TLE4: variants seen among roughly 807,000 people sequenced by gnomAD.
TLE4 encodes TLE family member 4, transcriptional corepressor, also known as transducin-like enhancer protein 4.
Under a neutral mutation model 92.8 loss-of-function variants are expected in TLE4, and 8 were observed. The ratio of observed to expected loss-of-function variants is 0.09; its 90% CI spans 0.05 to 0.16. The LOEUF is 0.16. Among genes scored for constraint, TLE4 ranks in the 10% least tolerant of loss-of-function variants. The probability of loss-of-function intolerance (pLI) is 1.00; values close to 1 mark genes in which losing one functional copy is unlikely to be tolerated. For missense variants in TLE4, 675 were observed against 997.6 expected, an observed-to-expected ratio of 0.68 and a Z score of 4.36; for synonymous variants, 371 against 374.1, an observed-to-expected ratio of 0.99 and a Z score of 0.10.
intron 8 of TLE4, among the ~76,000 whole-genome samples, chr9:79,704,271 C>T (rs1297888991): frequency 1.3e-5 from 2 of 152,058 alleles, no homozygotes; most frequent in Non-Finnish European, 2.9e-5. Flanking sequence ...GCCACCATGC[C>T]CAGCTAATTT....
In TLE4 at chr9:79,683,799, T is replaced by C. The variant is rs375771126; in HGVS notation, c.610-20984T>C. Among the ~76,000 whole-genome samples, 18 of 152,346 alleles carry C rather than the reference T, an allele frequency of 1.2e-4. No individual in the cohort carries two copies. In the South Asian group the frequency reaches 2.9e-3, roughly 25 times the overall value. ...TTTGTGACCTTAAGCAGTCACCTAA[T>C]CTCACAGGAGTTCTGTTTGCTCATT... On this transcript the variant is annotated intron_variant, in intron 8 of 19. Coordinates refer to ENST00000376552, the MANE Select transcript of TLE4 (RefSeq NM_007005.6).
chr9:79,677,359 C>A lies in TLE4; in HGVS notation c.609+23284C>A, dbSNP rs888781391. On this transcript the variant is annotated intron_variant, in intron 8 of 19. Transcript: ENST00000376552. Reference sequence around the variant, plus strand: ...TGTCCTTTTGAAGATGTATCCATGACAGAAGTAATAATAAGCAGACTGCTA... The same window carrying A: ...TGTCCTTTTGAAGATGTATCCATGAAAGAAGTAATAATAAGCAGACTGCTA... Among the ~76,000 whole-genome samples the A allele has an allele frequency of 3.3e-5, 5 of 152,084 alleles. No homozygotes were observed. The East Asian group carries it at 9.6e-4, about 29-fold the overall frequency.
chr9:79,636,712 C>T (rs773764146), intron 6 of TLE4, among the ~76,000 whole-genome samples: 2 of 152,102 alleles, frequency 1.3e-5, no homozygotes, highest in African/African-American at 4.8e-5. Context: ...GTTTTATTGT[C>T]GTCATTGCAC....
chr9:79,664,031 T>C lies in TLE4; in HGVS notation c.609+9956T>C, dbSNP rs142183541. 3.5e-3 allele frequency among the ~76,000 whole-genome samples: 530 copies of C among 152,328 alleles called. 2 individuals carry two copies. The highest frequency in any genetic ancestry group is 0.012 in the South Asian group (60 of 4,830). On this transcript the variant is annotated intron_variant, in intron 8 of 19. Transcript: ENST00000376552. ...ACAGTGTATGTGAAATGCATGAACA[T>C]CTGTGAATTAATCTTTTTTAGTTTG...
intron 4 of TLE4, among the ~76,000 whole-genome samples, chr9:79,581,971 T>G (rs2039792555): frequency 6.6e-6 from 1 of 152,134 alleles, no homozygotes; most frequent in Non-Finnish European, 1.5e-5. Context: ...GGAAGCTGCT[T>G]GCTTATCAAG....
chr9:79,613,975 AC>A (rs1439889522), intron 5 of TLE4, among the ~76,000 whole-genome samples: 8 of 152,052 alleles, frequency 5.3e-5, no homozygotes, highest in African/African-American at 1.9e-4. Context: ...TTTAGCTGTG[AC>A]CACAAAACCT....
chr9:79,654,895 G>A (rs563138545), intron 8 of TLE4, among the ~76,000 whole-genome samples: 1 of 152,300 alleles, frequency 6.6e-6, no homozygotes, highest in South Asian at 2.1e-4. Flanking sequence ...TGTAATCCCA[G>A]CATATTGGGA....
chr9:79,699,290 T>C (rs932496931), intron 8 of TLE4, among the ~76,000 whole-genome samples: 1 of 152,206 alleles, frequency 6.6e-6, no homozygotes, highest in Admixed American at 6.5e-5. Flanking sequence ...AGGGGCCTTC[T>C]TCAGCTTTCT....
chr9:79,608,288 TTAATC>T, intron 4 of TLE4, among the ~76,000 whole-genome samples: 2 of 152,214 alleles, frequency 1.3e-5, no homozygotes, highest in Non-Finnish European at 2.9e-5. Flanking sequence ...CTCTGACTTT[TTAATC>T]TAGGGTCAGG....
chr9:79,617,857 C>G (rs985180441), intron 5 of TLE4, among the ~76,000 whole-genome samples: 7 of 150,128 alleles, frequency 4.7e-5, no homozygotes, highest in Non-Finnish European at 5.9e-5. Context: ...AAGCTTGTTT[C>G]TCTCTCATGT....
At chr9:79,626,553 G>GGT (rs2052657638) in intron 5 of TLE4, among the ~76,000 whole-genome samples, 3 of 152,028 alleles carry the variant, frequency 2.0e-5, no homozygotes, top group Non-Finnish European at 4.4e-5. Context: ...ATTTGGAGGG[G>GGT]GTAATTCTTG....
chr9:79,678,340 T>C (rs2063681591), intron 8 of TLE4, among the ~76,000 whole-genome samples: 1 of 152,162 alleles, frequency 6.6e-6, no homozygotes, highest in Non-Finnish European at 1.5e-5. Context: ...TAAATGTCCT[T>C]GTTTATCAGC....
At chr9:79,636,736 G>T (rs976802031) in intron 6 of TLE4, among the ~76,000 whole-genome samples, 70 of 152,054 alleles carry the variant, frequency 4.6e-4, no homozygotes, top group African/African-American at 1.7e-3. Context: ...CCATTGATTT[G>T]TTATGCATCA....
intron 6 of TLE4, among the ~76,000 whole-genome samples, chr9:79,635,149 G>A (rs887364746): frequency 2.0e-5 from 3 of 152,096 alleles, no homozygotes; most frequent in Non-Finnish European, 4.4e-5. Context: ...TACAGGTTTT[G>A]GGGAGGTTAT....
chr9:79,698,726 T>C (rs1003996006), intron 8 of TLE4, among the ~76,000 whole-genome samples: 9 of 152,098 alleles, frequency 5.9e-5, no homozygotes, highest in Non-Finnish European at 1.0e-4. Context: ...ACCACCAGCA[T>C]GCTATAAATT....
intron 6 of TLE4, among the ~76,000 whole-genome samples, chr9:79,628,873 A>AGTGT (rs34212290): frequency 0.11 from 16,118 of 147,990 alleles, 909 homozygotes; most frequent in Non-Finnish European, 0.13. Context: ...TTTAAAGTTA[A>AGTGT]GTGTGTGTGT....
chr9:79,723,510 T>C (rs1297871791), intron 19 of TLE4, among the ~76,000 whole-genome samples: 1 of 152,246 alleles, frequency 6.6e-6, no homozygotes, highest in African/African-American at 2.4e-5. Context: ...TGGAACTTTG[T>C]ATAGCTTGTG....
intron 4 of TLE4, among the ~76,000 whole-genome samples, chr9:79,585,365 A>T (rs1429702404): frequency 6.6e-6 from 1 of 152,236 alleles, no homozygotes; most frequent in Non-Finnish European, 1.5e-5. Context: ...TCAAGGTCAG[A>T]ACGCTGGTAT....
chr9:79,614,929 T>C (rs1434391126), intron 5 of TLE4, among the ~76,000 whole-genome samples: 1 of 152,188 alleles, frequency 6.6e-6, no homozygotes, highest in Non-Finnish European at 1.5e-5. Flanking sequence ...CCGTGATCTA[T>C]GCCATGGTTT....
Sources: allele counts gnomAD v4.1 joint callset (sites outside exome capture counted in the v4.1 genomes callset), GRCh38; gene constraint gnomAD v4.1.1; transcripts MANE v1.5; gene names NCBI Gene and HGNC (gene_info 2026-07-23, HGNC 2026-07-21).